Variants in ATP8B4 observed in about 807,000 individuals in gnomAD.
The protein encoded by ATP8B4 is probable phospholipid-transporting ATPase IM.
In ATP8B4, 133 loss-of-function variants were observed where a neutral mutation model predicts 145.6. That is an observed-to-expected ratio of 0.91 (90% CI 0.79 to 1.05). The LOEUF is 1.05. Among genes scored for constraint, ATP8B4 ranks in the 50% least tolerant of loss-of-function variants. ATP8B4 has a pLI of 0.00. For missense variants in ATP8B4, 1,458 were observed against 1,425.2 expected (o/e 1.02, Z -0.37); for synonymous variants, 507 against 492.9 (o/e 1.03, Z -0.38).
chr15:49,914,916 A>G (rs2039583731), intron 20 of ATP8B4, among the ~76,000 whole-genome samples: 1 of 152,180 alleles, frequency 6.6e-6, no homozygotes, highest in Admixed American at 6.5e-5. Flanking sequence ...TCCAAAAACT[A>G]AAAATAGAAC....
At chr15:50,163,220 T>C (rs2044547023) in intron 1 of ATP8B4, among the ~76,000 whole-genome samples, 1 of 152,246 alleles carries the variant, frequency 6.6e-6, no homozygotes, top group African/African-American at 2.4e-5. Context: ...TAGGTATTTA[T>C]TGTAGTCTTC....
At chr15:50,145,931 AT>A (rs1166107657) in intron 1 of ATP8B4, among the ~76,000 whole-genome samples, 1 of 152,172 alleles carries the variant, frequency 6.6e-6, no homozygotes, top group Non-Finnish European at 1.5e-5. Flanking sequence ...AAGGATGAAA[AT>A]GAATGAGAAA....
chr15:49,893,778 T>C (rs932284792), intron 23 of ATP8B4, among the ~76,000 whole-genome samples: 1 of 152,236 alleles, frequency 6.6e-6, no homozygotes, highest in African/African-American at 2.4e-5. Flanking sequence ...AGTAGTTAAG[T>C]TGGTAAATTT....
intron 1 of ATP8B4, among the ~76,000 whole-genome samples, chr15:50,152,841 T>G (rs1429584852): frequency 6.6e-6 from 1 of 152,206 alleles, no homozygotes; most frequent in Non-Finnish European, 1.5e-5. Context: ...GAAGACAACA[T>G]TGAAATTTAT....
At chr15:50,008,808 T>C (rs1372318712) in intron 7 of ATP8B4, among the ~76,000 whole-genome samples, 4 of 152,180 alleles carry the variant, frequency 2.6e-5, no homozygotes, top group Non-Finnish European at 5.9e-5. Flanking sequence ...AGTAAACAAG[T>C]GAGTCCAGTC....
intron 25 of ATP8B4, among the ~76,000 whole-genome samples, chr15:49,870,124 GATAA>G (rs1284997946): frequency 1.3e-5 from 2 of 152,080 alleles, no homozygotes; most frequent in African/African-American, 4.8e-5. Context: ...ATCAATAGAT[GATAA>G]ATACTTATAC....
chr15:50,072,674 T>G (rs2053818016), intron 3 of ATP8B4, among the ~76,000 whole-genome samples: 1 of 151,430 alleles, frequency 6.6e-6, no homozygotes, highest in Admixed American at 6.6e-5. Context: ...CAGGCTGGAG[T>G]GAGTGCAATG....
chr15:50,018,741 T>C (rs534199825), intron 6 of ATP8B4: 4 of 342,102 alleles, frequency 1.2e-5, no homozygotes, highest in African/African-American at 2.1e-5. Context: ...GAAAACTATA[T>C]GCCTGGACTG....
At chr15:49,949,877 T>TA (rs1460102948) in intron 14 of ATP8B4, among the ~76,000 whole-genome samples, 1 of 152,210 alleles carries the variant, frequency 6.6e-6, no homozygotes, top group Non-Finnish European at 1.5e-5. Flanking sequence ...TAAGGGATGT[T>TA]AAAGTTTATC....
intron 12 of ATP8B4, among the ~76,000 whole-genome samples, chr15:49,974,902 T>C (rs2045536265): frequency 6.6e-6 from 1 of 152,238 alleles, no homozygotes; most frequent in Admixed American, 6.5e-5. Flanking sequence ...TTTATGGATT[T>C]CAATTTTATT....
At position 49,920,415 on chromosome 15, in the gene ATP8B4, C is replaced by T; in HGVS notation, c.1759-5G>A. On this transcript the variant is annotated splice_region_variant and splice_polypyrimidine_tract_variant and intron_variant, in intron 17 of 27. Transcript: ENST00000284509. ...AAGGCCTTCCCCTGCAAATTCCTGC[C>T]AGAGATGACATAGACTCATGAACCA... 2 of 1,611,304 alleles carry T rather than the reference C, an allele frequency of 1.2e-6. No individual in the cohort carries two copies. Among genetic ancestry groups the T allele is most frequent in the Non-Finnish European group, 1.7e-6 (2 of 1,178,718 alleles).
chr15:50,034,037 C>T (rs4343223), intron 6 of ATP8B4, among the ~76,000 whole-genome samples: 103,689 of 151,904 alleles, frequency 0.68, 37,620 homozygotes, highest in East Asian at 0.99. Context: ...TGTGTGTGTG[C>T]ATTTATGGTA....
intron 1 of ATP8B4, among the ~76,000 whole-genome samples, chr15:50,169,901 C>CA (rs2044646868): frequency 6.6e-6 from 1 of 152,012 alleles, no homozygotes; most frequent in African/African-American, 2.4e-5. Flanking sequence ...AAAGTCTCAG[C>CA]AATAGAAGTG....
intron 2 of ATP8B4, among the ~76,000 whole-genome samples, chr15:50,096,337 C>T (rs769050321): frequency 1.3e-5 from 2 of 152,088 alleles, no homozygotes; most frequent in Non-Finnish European, 2.9e-5. Flanking sequence ...TTAGGAAGTC[C>T]TCTGTGACTG....
chr15:50,149,802 A>G (rs2044323919), intron 1 of ATP8B4, among the ~76,000 whole-genome samples: 1 of 152,176 alleles, frequency 6.6e-6, no homozygotes, highest in South Asian at 2.1e-4. Context: ...GAGAAAAATT[A>G]AGAAAATTTC....
chr15:50,063,645 CTG>C (rs1405499035), intron 3 of ATP8B4, among the ~76,000 whole-genome samples: 1 of 152,056 alleles, frequency 6.6e-6, no homozygotes, highest in Non-Finnish European at 1.5e-5. Flanking sequence ...CAGTCTTAGA[CTG>C]TATTAATAAT....
At chr15:49,908,714 T>G (rs143489341) in intron 20 of ATP8B4, among the ~76,000 whole-genome samples, 1 of 152,190 alleles carries the variant, frequency 6.6e-6, no homozygotes, top group African/African-American at 2.4e-5. Context: ...CCAACAGTAC[T>G]TGGCTTTCCA....
intron 3 of ATP8B4, among the ~76,000 whole-genome samples, chr15:50,058,523 C>T (rs763548681): frequency 4.6e-5 from 7 of 152,146 alleles, no homozygotes; most frequent in African/African-American, 9.7e-5. Flanking sequence ...TCCAAAGGGC[C>T]AAAGAGTTAT....
chr15:49,909,428 A>G (rs527406175), intron 20 of ATP8B4, among the ~76,000 whole-genome samples: 7 of 152,306 alleles, frequency 4.6e-5, no homozygotes, highest in Non-Finnish European at 7.4e-5. Flanking sequence ...GCCATTGCCT[A>G]TGCCATGCCT....
Sources: gnomAD v4.1 joint callset for allele counts (sites outside exome capture counted in the v4.1 genomes callset) on GRCh38, gnomAD v4.1.1 for gene constraint, MANE v1.5 for transcripts, NCBI Gene and HGNC (gene_info 2026-07-23, HGNC 2026-07-21) for gene names.